The following KCNMB3 variants were observed in gnomAD, a reference collection of about 807,000 sequenced individuals.
KCNMB3 encodes the protein potassium calcium-activated channel subfamily M regulatory beta subunit 3, also known as calcium-activated potassium channel subunit beta-3.
In KCNMB3, 18 loss-of-function variants were observed where a neutral mutation model predicts 11.9. The ratio of observed to expected loss-of-function variants is 1.51; its 90% CI spans 1.04 to 2.23. The LOEUF (loss-of-function observed/expected upper bound fraction) is 2.23. Ranked by LOEUF, KCNMB3 falls within the 30% of genes most tolerant of loss-of-function variation. The pLI, the probability that KCNMB3 is intolerant of heterozygous loss-of-function variation, is 0.00. For synonymous variants in KCNMB3, 78 were observed against 119.2 expected (o/e 0.65, Z 2.25); for missense variants, 247 against 329.4 (o/e 0.75, Z 1.94).
upstream of KCNMB3, among the ~76,000 whole-genome samples, chr3:179,252,981 C>T (rs955330479): frequency 3.3e-5 from 5 of 152,104 alleles, no homozygotes; most frequent in African/African-American, 4.8e-5. Flanking sequence ...CCACCCACCT[C>T]GGCCTCCCAA....
At chr3:179,265,659 T>C (rs1726352425) in intron 1 of KCNMB3, among the ~76,000 whole-genome samples, 1 of 152,214 alleles carries the variant, frequency 6.6e-6, no homozygotes, top group African/African-American at 2.4e-5. Context: ...GGTTTCACCA[T>C]GTTGGCCAGG....
upstream of KCNMB3, among the ~76,000 whole-genome samples, chr3:179,256,375 G>A (rs1726011809): frequency 6.6e-6 from 1 of 152,128 alleles, no homozygotes; most frequent in Admixed American, 6.5e-5. Context: ...GGCAGAGGTT[G>A]CAGTAAGCCA....
chr3:179,239,750 C>T (rs1268833353), downstream of KCNMB3: 5 of 392,240 alleles, frequency 1.3e-5, no homozygotes, highest in African/African-American at 1.0e-4. Flanking sequence ...CCTTTTGGCC[C>T]CATTAATTGT....
At chr3:179,250,049 G>T (rs1279722544) in intron 1 of KCNMB3, among the ~76,000 whole-genome samples, 1 of 151,672 alleles carries the variant, frequency 6.6e-6, no homozygotes, top group Non-Finnish European at 1.5e-5. Context: ...AAAAATTGAA[G>T]AAAAAAAATC....
chr3:179,258,845 G>T, intron 1 of KCNMB3: 1 of 1,512,924 alleles, frequency 6.6e-7, no homozygotes, highest in Non-Finnish European at 9.1e-7. Flanking sequence ...TAACCTCAAT[G>T]ATTACATGGA....
At chr3:179,242,672 T>G (rs1168746127), downstream of KCNMB3, 2 of 656,892 alleles carry the variant, frequency 3.0e-6, no homozygotes, top group Non-Finnish European at 4.3e-6. Context: ...AAAAAAACAG[T>G]GCTTCCTTAG....
intron 1 of KCNMB3, chr3:179,260,728 C>T (rs1009637637): frequency 1.9e-5 from 28 of 1,439,812 alleles, no homozygotes; most frequent in Non-Finnish European, 2.5e-5. Context: ...TCAGGGCCTC[C>T]TTGACTTCAG....
chr3:179,247,567 T>C (rs1235039768), intron 1 of KCNMB3, among the ~76,000 whole-genome samples: 2 of 152,132 alleles, frequency 1.3e-5, no homozygotes, highest in African/African-American at 2.4e-5. Context: ...CTTGTAGTTA[T>C]GAGAACCGAG....
chr3:179,245,680 T>C (rs1413094231), intron 1 of KCNMB3, among the ~76,000 whole-genome samples: 1 of 152,062 alleles, frequency 6.6e-6, no homozygotes, highest in African/African-American at 2.4e-5. Context: ...TTTGTATTTT[T>C]AGTAGAGATG....
At chr3:179,262,802 C>G (rs192562969) in intron 1 of KCNMB3, among the ~76,000 whole-genome samples, 1,672 of 152,294 alleles carry the variant, frequency 0.011, 10 homozygotes, top group Non-Finnish European at 0.015. Flanking sequence ...TTTCCAAGTC[C>G]CCACCAGAGT....
upstream of KCNMB3, chr3:179,251,181 T>A: frequency 6.2e-7 from 1 of 1,607,920 alleles, no homozygotes; most frequent in East Asian, 2.2e-5. Flanking sequence ...TGTTGCCTCA[T>A]GCAAGTCTGT....
At chr3:179,254,375 G>A (rs1725942663), upstream of KCNMB3, among the ~76,000 whole-genome samples, 1 of 152,236 alleles carries the variant, frequency 6.6e-6, no homozygotes, top group Non-Finnish European at 1.5e-5. Flanking sequence ...TTTACAGCCT[G>A]AATTCATACT....
intron 1 of KCNMB3, among the ~76,000 whole-genome samples, chr3:179,263,760 TTTTTGTTTTTTGTTTCTG>T (rs1726293919): frequency 6.6e-6 from 1 of 151,656 alleles, no homozygotes. Flanking sequence ...GGTTTTTTGT[TTTTTGTTTTTTGTTTCTG>T]TTTTGTTTTT....
At chr3:179,243,719 C>T (rs1269150172) in intron 2 of KCNMB3, among the ~76,000 whole-genome samples, 4 of 152,194 alleles carry the variant, frequency 2.6e-5, no homozygotes, top group Non-Finnish European at 5.9e-5. Context: ...AAGAAAAGCA[C>T]GTTGAGGCTT....
chr3:179,253,886 A>C (rs188466141), upstream of KCNMB3, among the ~76,000 whole-genome samples: 96 of 152,326 alleles, frequency 6.3e-4, 2 homozygotes, highest in African/African-American at 2.0e-3. Context: ...TAAAAGTAAC[A>C]GGCTTCTGTT....
upstream of KCNMB3, among the ~76,000 whole-genome samples, chr3:179,255,322 A>T (rs570238078): frequency 5.8e-4 from 88 of 152,034 alleles, no homozygotes; most frequent in Non-Finnish European, 9.9e-4. Flanking sequence ...CACATCTGTA[A>T]CATATTTAAA....
upstream of KCNMB3, among the ~76,000 whole-genome samples, chr3:179,254,433 T>C (rs1428673969): frequency 2.6e-5 from 4 of 151,850 alleles, no homozygotes. Context: ...TGTAATGTTG[T>C]TTAAGTAGGT....
At chr3:179,263,463 G>A (rs977223702) in intron 1 of KCNMB3, among the ~76,000 whole-genome samples, 2 of 152,246 alleles carry the variant, frequency 1.3e-5, no homozygotes, top group African/African-American at 2.4e-5. Context: ...CCTCAGGCGC[G>A]GCCAGAGTGG....
intron 1 of KCNMB3, chr3:179,260,567 CCT>C: frequency 1.3e-6 from 2 of 1,573,628 alleles, no homozygotes; most frequent in African/African-American, 1.4e-5. Flanking sequence ...GGTCCCATCC[CCT>C]GTCGACTTGA....
Sources: gnomAD v4.1 joint callset for allele counts (sites outside exome capture counted in the v4.1 genomes callset) on GRCh38, gnomAD v4.1.1 for gene constraint, MANE v1.5 for transcripts, NCBI Gene and HGNC (gene_info 2026-07-23, HGNC 2026-07-21) for gene names.